KCNIP4: variants seen among roughly 807,000 people sequenced by gnomAD.
The protein encoded by KCNIP4 is Kv channel-interacting protein 4.
In KCNIP4, 12 loss-of-function variants were observed where a neutral mutation model predicts 34.0. The observed-to-expected ratio is 0.35, with a 90% CI of 0.23 to 0.57. The LOEUF is 0.57. KCNIP4 is among the 20% of genes least tolerant of loss of function. The pLI, the probability that KCNIP4 is intolerant of heterozygous loss-of-function variation, is 0.83. For missense variants in KCNIP4, 238 were observed against 311.7 expected (o/e 0.76, Z 1.78); for synonymous variants, 124 against 102.2 (o/e 1.21, Z -1.29).
chr4:21,878,283 C>T (rs1157004521), intron 1 of KCNIP4, among the ~76,000 whole-genome samples: 1 of 152,112 alleles, frequency 6.6e-6, no homozygotes, highest in Non-Finnish European at 1.5e-5. Context: ...ACCATGTTGG[C>T]CAGGCTGGTC....
chr4:20,756,790 C>T (rs767364996), intron 4 of KCNIP4, among the ~76,000 whole-genome samples: 2 of 152,038 alleles, frequency 1.3e-5, no homozygotes, highest in Admixed American at 6.6e-5. Flanking sequence ...CTATCTATCT[C>T]TCTTGTGTTT....
intron 1 of KCNIP4, among the ~76,000 whole-genome samples, chr4:21,835,868 G>C (rs1723287669): frequency 6.6e-6 from 1 of 152,052 alleles, no homozygotes; most frequent in South Asian, 2.1e-4. Context: ...TAAGCCACAG[G>C]AAATAGCTTC....
At position 21,624,276 on chromosome 4, in the gene KCNIP4, T is replaced by C. The variant is rs187164745; in HGVS notation, c.61+324295A>G. Reference sequence around the variant, plus strand: ...GCTTTTGTGGGAATAGAGAAGTTCATAGAGAATTTTCATAGCATATATTCC... The same window carrying C: ...GCTTTTGTGGGAATAGAGAAGTTCACAGAGAATTTTCATAGCATATATTCC... On this transcript the variant is annotated intron_variant, in intron 1 of 8. Coordinates refer to ENST00000382152, the MANE Select transcript of KCNIP4 (RefSeq NM_025221.6). 4.8e-3 allele frequency among the ~76,000 whole-genome samples: 726 copies of C among 152,256 alleles called. 13 individuals are homozygous for C. In the South Asian group the frequency reaches 0.048, roughly 10 times the overall value.
chr4:21,895,741 A>G (rs1727347224), intron 1 of KCNIP4, among the ~76,000 whole-genome samples: 1 of 152,212 alleles, frequency 6.6e-6, no homozygotes, highest in Non-Finnish European at 1.5e-5. Flanking sequence ...GCATGAACAA[A>G]AAGGAGCTAA....
At chr4:21,629,087 G>T (rs1293523942) in intron 1 of KCNIP4, among the ~76,000 whole-genome samples, 1 of 152,254 alleles carries the variant, frequency 6.6e-6, no homozygotes, top group East Asian at 1.9e-4. Flanking sequence ...AGCAAGCCAC[G>T]AGAGGTAGGC....
At chr4:21,447,502 G>T (rs1168984173) in intron 1 of KCNIP4, among the ~76,000 whole-genome samples, 2 of 152,134 alleles carry the variant, frequency 1.3e-5, no homozygotes, top group Non-Finnish European at 2.9e-5. Flanking sequence ...ATACAGTAGT[G>T]ACTTGCTCAT....
At chr4:21,286,304 C>T (rs928329532) in intron 1 of KCNIP4, among the ~76,000 whole-genome samples, 3 of 152,120 alleles carry the variant, frequency 2.0e-5, no homozygotes, top group Admixed American at 6.5e-5. Flanking sequence ...ATAAGGCCAC[C>T]GTTCCCTATT....
chr4:21,524,930 G>C (rs1560485587), intron 1 of KCNIP4, among the ~76,000 whole-genome samples: 1 of 152,092 alleles, frequency 6.6e-6, no homozygotes, highest in Admixed American at 6.6e-5. Flanking sequence ...TATGTGCAAA[G>C]AAGTCACTTT....
Position 21,689,352 on chromosome 4 carries a change from C to T in KCNIP4, c.61+259219G>A, listed in dbSNP as rs941189097. ...CCTATAGATAACAGATCAGTAATAG[C>T]GACAAATTTGTTAAACGTGTGCCAG... On this transcript the variant is annotated intron_variant, in intron 1 of 8. Coordinates refer to ENST00000382152, the MANE Select transcript of KCNIP4 (RefSeq NM_025221.6). Among the ~76,000 whole-genome samples the T allele has an allele frequency of 5.9e-5, 9 of 152,100 alleles. 1 individual carries two copies. The highest frequency in any genetic ancestry group is 4.2e-4 in the South Asian group (2 of 4,810).
intron 1 of KCNIP4, among the ~76,000 whole-genome samples, chr4:21,557,587 T>C (rs1739172018): frequency 6.6e-6 from 1 of 152,164 alleles, no homozygotes; most frequent in Non-Finnish European, 1.5e-5. Context: ...CATGGGGTTA[T>C]GGAAGAGAGA....
At chr4:20,803,727 G>GGAAGGT (rs779473449) in intron 3 of KCNIP4, among the ~76,000 whole-genome samples, 1 of 91,442 alleles carries the variant, frequency 1.1e-5, no homozygotes, top group Admixed American at 1.1e-4. Flanking sequence ...GAGAGAGAGA[G>GGAAGGT]AGGAAGGAAG....
intron 1 of KCNIP4, among the ~76,000 whole-genome samples, chr4:21,038,928 GAAAAAAGCATCC>G (rs1447437175): frequency 6.8e-4 from 103 of 152,266 alleles, no homozygotes; most frequent in African/African-American, 2.3e-3. Context: ...GGTCCACAGT[GAAAAAAGCATCC>G]TGTGAAGGCT....
At chr4:20,735,518 G>GTTTTTTTT (rs754949562) in intron 5 of KCNIP4, among the ~76,000 whole-genome samples, 2 of 130,810 alleles carry the variant, frequency 1.5e-5, no homozygotes, top group African/African-American at 5.8e-5. Flanking sequence ...TTCATTTAGT[G>GTTTTTTTT]TTTTTTTTTT....
intron 1 of KCNIP4, among the ~76,000 whole-genome samples, chr4:21,506,420 T>G (rs144841923): frequency 3.9e-5 from 6 of 152,332 alleles, no homozygotes; most frequent in South Asian, 4.1e-4. Context: ...AGTAAATGCA[T>G]GCAGAGTTCT....
chr4:21,808,539 C>A (rs1265633529), intron 1 of KCNIP4, among the ~76,000 whole-genome samples: 1 of 152,008 alleles, frequency 6.6e-6, no homozygotes, highest in Non-Finnish European at 1.5e-5. Context: ...CTGTTTATGT[C>A]ATCTGCAAAG....
chr4:21,570,946 G>A (rs1044470471), intron 1 of KCNIP4, among the ~76,000 whole-genome samples: 3 of 152,096 alleles, frequency 2.0e-5, no homozygotes, highest in East Asian at 3.9e-4. Context: ...TTGGTTCGAC[G>A]TGGTTGAACC....
At chr4:20,736,329 C>G (rs1191541671) in intron 5 of KCNIP4, among the ~76,000 whole-genome samples, 2 of 151,928 alleles carry the variant, frequency 1.3e-5, no homozygotes, top group African/African-American at 2.4e-5. Context: ...CCAAATTGTT[C>G]TTTTACATTT....
chr4:21,305,492 C>T (rs1007724661), intron 1 of KCNIP4, among the ~76,000 whole-genome samples: 10 of 152,222 alleles, frequency 6.6e-5, no homozygotes, highest in African/African-American at 2.4e-5. Context: ...TCTCCATGCT[C>T]TACTCAGACT....
At chr4:21,614,023 C>T (rs1425737327) in intron 1 of KCNIP4, among the ~76,000 whole-genome samples, 1 of 151,284 alleles carries the variant, frequency 6.6e-6, no homozygotes, top group Non-Finnish European at 1.5e-5. Flanking sequence ...TGGTAGCATG[C>T]ACCTGTAATC....
Sources: gnomAD v4.1 joint callset for allele counts (sites outside exome capture counted in the v4.1 genomes callset) on GRCh38, gnomAD v4.1.1 for gene constraint, MANE v1.5 for transcripts, NCBI Gene and HGNC (gene_info 2026-07-23, HGNC 2026-07-21) for gene names.